Variants in LMNTD1 observed in about 807,000 individuals in gnomAD.
The protein encoded by LMNTD1 is lamin tail domain-containing protein 1.
A neutral mutation model predicts 50.9 loss-of-function variants in LMNTD1; 35 were observed. The observed-to-expected ratio is 0.69, with a 90% CI of 0.53 to 0.91. The LOEUF is 0.91. Ranked by LOEUF, LMNTD1 falls within the 40% of genes least tolerant of loss-of-function variation. LMNTD1 has a pLI of 0.00. For missense variants in LMNTD1, 470 were observed against 475.5 expected (o/e 0.99, Z 0.11); for synonymous variants, 153 against 161.9 (o/e 0.94, Z 0.42).
chr12:25,481,242 G>A (rs557608161), intron 9 of LMNTD1, among the ~76,000 whole-genome samples: 1 of 151,870 alleles, frequency 6.6e-6, no homozygotes, highest in Non-Finnish European at 1.5e-5. Flanking sequence ...CATCCTTCTC[G>A]GTTTATTTTC....
chr12:25,524,812 A>G (rs545835491), intron 6 of LMNTD1, among the ~76,000 whole-genome samples: 2 of 152,272 alleles, frequency 1.3e-5, no homozygotes, highest in African/African-American at 4.8e-5. Context: ...TCAGAGAAGT[A>G]TTATAAAATT....
At chr12:25,563,598 CCA>C (rs1439601057) in intron 1 of LMNTD1, among the ~76,000 whole-genome samples, 3 of 152,170 alleles carry the variant, frequency 2.0e-5, no homozygotes, top group African/African-American at 4.8e-5. Context: ...GGTCAGGGAC[CCA>C]CTTGAGGAGG....
chr12:25,619,250 C>CTATATATATATA (rs1185194793), intron 1 of LMNTD1, among the ~76,000 whole-genome samples: 5 of 79,404 alleles, frequency 6.3e-5, no homozygotes, highest in African/African-American at 1.5e-4. Context: ...CTCTCTCTCT[C>CTATATATATATA]TCTATATATA....
intron 9 of LMNTD1, among the ~76,000 whole-genome samples, chr12:25,492,548 CA>C (rs1353641417): frequency 1.1e-4 from 16 of 152,150 alleles, no homozygotes; most frequent in African/African-American, 3.1e-4. Flanking sequence ...CAAAGGCAGA[CA>C]TTTACTCTGA....
At chr12:25,582,047 C>T (rs138727592) in intron 1 of LMNTD1, among the ~76,000 whole-genome samples, 48 of 152,302 alleles carry the variant, frequency 3.2e-4, no homozygotes, top group African/African-American at 1.1e-3. Flanking sequence ...TGTGAAGGGG[C>T]AAAAGCCTGG....
intron 1 of LMNTD1, among the ~76,000 whole-genome samples, chr12:25,647,883 A>T (rs995816945): frequency 9.9e-5 from 15 of 152,242 alleles, no homozygotes; most frequent in African/African-American, 3.6e-4. Context: ...AACGTTCAAA[A>T]TTGGTAAAAG....
At chr12:25,620,861 T>C (rs1946459595) in intron 1 of LMNTD1, among the ~76,000 whole-genome samples, 1 of 152,184 alleles carries the variant, frequency 6.6e-6, no homozygotes, top group Non-Finnish European at 1.5e-5. Flanking sequence ...TTATACGCGC[T>C]CTACCATCGT....
intron 8 of LMNTD1, among the ~76,000 whole-genome samples, chr12:25,508,348 T>G (rs1406938313): frequency 6.6e-6 from 1 of 152,134 alleles, no homozygotes; most frequent in Non-Finnish European, 1.5e-5. Flanking sequence ...ATATTGTATG[T>G]TTTTGAATTT....
At chr12:25,594,074 G>A (rs1005774549) in intron 1 of LMNTD1, among the ~76,000 whole-genome samples, 4 of 152,034 alleles carry the variant, frequency 2.6e-5, no homozygotes, top group South Asian at 2.1e-4. Flanking sequence ...GGGATTAAAC[G>A]ACCAAACCTA....
At chr12:25,477,437 C>CT (rs1938306829) in intron 9 of LMNTD1, among the ~76,000 whole-genome samples, 1 of 152,052 alleles carries the variant, frequency 6.6e-6, no homozygotes, top group Non-Finnish European at 1.5e-5. Context: ...GAAAGTGACT[C>CT]TTTCCCCTGA....
chr12:25,553,806 T>A (rs930508937), upstream of LMNTD1, among the ~76,000 whole-genome samples: 2 of 152,162 alleles, frequency 1.3e-5, no homozygotes, highest in Non-Finnish European at 2.9e-5. Context: ...ATAAAATTAA[T>A]AACTATGAAA....
intron 8 of LMNTD1, among the ~76,000 whole-genome samples, chr12:25,513,627 C>T (rs1461055547): frequency 2.0e-5 from 3 of 152,188 alleles, no homozygotes; most frequent in African/African-American, 7.2e-5. Flanking sequence ...GAGAGTCAGA[C>T]TCTGCTTCAA....
intron 1 of LMNTD1, among the ~76,000 whole-genome samples, chr12:25,575,677 T>C (rs1412035148): frequency 1.1e-5 from 1 of 89,242 alleles, no homozygotes; most frequent in African/African-American, 3.8e-5. Flanking sequence ...GCAAGAACCC[T>C]AGCTCTATTT....
In LMNTD1 at chr12:25,552,682, G is replaced by C. The variant is rs1943837587; in HGVS notation, c.89+189C>G. Among the ~76,000 whole-genome samples, 10 of 149,302 alleles carry C rather than the reference G, an allele frequency of 6.7e-5. No individual in the cohort carries two copies. In the Admixed American group the frequency reaches 6.8e-4, roughly 10 times the overall value. ...GGATTTTTATACTTCTCAAGGACTAGAACCTTCTAAAACAGTAGTTGTGGA... is the reference window on the plus strand; with the variant it reads ...GGATTTTTATACTTCTCAAGGACTACAACCTTCTAAAACAGTAGTTGTGGA... On this transcript the variant is annotated intron_variant, in intron 2 of 9. Transcript: ENST00000458174.
chr12:25,544,682 A>C (rs1242507839), intron 4 of LMNTD1, among the ~76,000 whole-genome samples: 2 of 151,666 alleles, frequency 1.3e-5, no homozygotes, highest in African/African-American at 2.4e-5. Context: ...AGTATATTTT[A>C]ATTCATTGCT....
intron 9 of LMNTD1, among the ~76,000 whole-genome samples, chr12:25,482,405 G>T (rs1195638856): frequency 6.6e-6 from 1 of 151,700 alleles, no homozygotes; most frequent in Non-Finnish European, 1.5e-5. Context: ...CTACTTTCAT[G>T]AAGAAAAAAA....
chr12:25,481,906 CAT>C lies in LMNTD1; in HGVS notation c.*23-5448_*23-5447del, dbSNP rs1227990607. ...ACACACACACACACACACACACACA[CAT>C]ATAGTGAAAGGTGGTTGAAAAATTT... On this transcript the variant is annotated intron_variant, in intron 9 of 9. Transcript: ENST00000458174. 4.2e-4 allele frequency among the ~76,000 whole-genome samples: 61 copies of C among 143,990 alleles called. 1 individual carries two copies. Among genetic ancestry groups the C allele is most frequent in the East Asian group, 4.2e-3 (21 of 4,986 alleles). The allele number at this position is 143,990 out of a possible 152,430, so 94.5% of individuals were successfully genotyped here.
intron 1 of LMNTD1, among the ~76,000 whole-genome samples, chr12:25,621,895 C>G (rs1244576301): frequency 6.6e-6 from 1 of 152,194 alleles, no homozygotes; most frequent in East Asian, 1.9e-4. Context: ...GGGTTCTGGA[C>G]AGAAAACTGA....
At chr12:25,628,402 T>C (rs1418026256) in intron 1 of LMNTD1, among the ~76,000 whole-genome samples, 1 of 152,138 alleles carries the variant, frequency 6.6e-6, no homozygotes, top group African/African-American at 2.4e-5. Flanking sequence ...TTTCAGTAGG[T>C]TTGTAACAAA....
Sources: allele counts gnomAD v4.1 joint callset (sites outside exome capture counted in the v4.1 genomes callset), GRCh38; gene constraint gnomAD v4.1.1; transcripts MANE v1.5; gene names NCBI Gene and HGNC (gene_info 2026-07-23, HGNC 2026-07-21).